The following CNBD1 variants were observed in gnomAD, a reference collection of about 807,000 sequenced individuals.
CNBD1 encodes the protein cyclic nucleotide binding domain containing 1.
Under a neutral mutation model 54.4 loss-of-function variants are expected in CNBD1, and 71 were observed. The observed-to-expected ratio is 1.30, with a 90% confidence interval of 1.08 to 1.59. CNBD1 has a LOEUF of 1.59. Among genes scored for constraint, CNBD1 ranks in the 40% most tolerant of loss-of-function variants. The probability of loss-of-function intolerance (pLI) is 0.00; values close to 1 mark genes in which losing one functional copy is unlikely to be tolerated. For missense variants in CNBD1, 659 were observed against 518.0 expected, an observed-to-expected ratio of 1.27 and a Z score of -2.64; for synonymous variants, 182 against 170.7, an observed-to-expected ratio of 1.07 and a Z score of -0.51.
intron 4 of CNBD1, among the ~76,000 whole-genome samples, chr8:87,031,314 T>C (rs910726720): frequency 2.0e-5 from 3 of 152,020 alleles, no homozygotes; most frequent in Non-Finnish European, 4.4e-5. Context: ...ATGGAAATGT[T>C]GCACATAACT....
At chr8:87,252,855 A>G (rs1807938590) in intron 6 of CNBD1, among the ~76,000 whole-genome samples, 1 of 152,140 alleles carries the variant, frequency 6.6e-6, no homozygotes, top group South Asian at 2.1e-4. Context: ...GCGTGGCCAA[A>G]TATGCCTACT....
At chr8:87,105,694 A>G (rs1009610636) in intron 4 of CNBD1, among the ~76,000 whole-genome samples, 1 of 152,014 alleles carries the variant, frequency 6.6e-6, no homozygotes, top group East Asian at 1.9e-4. Context: ...CATTCTACAG[A>G]TTATATATTT....
intron 4 of CNBD1, chr8:87,044,790 T>G (rs1470794055): frequency 6.6e-6 from 1 of 152,232 alleles, no homozygotes; most frequent in African/African-American, 2.4e-5. Context: ...GGGAGGAACA[T>G]TTTGCCTGGG....
At chr8:87,029,528 TAGAA>T (rs1463812549) in intron 4 of CNBD1, among the ~76,000 whole-genome samples, 3 of 152,050 alleles carry the variant, frequency 2.0e-5, no homozygotes, top group Non-Finnish European at 2.9e-5. Context: ...TGTGCTCTCA[TAGAA>T]AGGTAATAAA....
intron 4 of CNBD1, among the ~76,000 whole-genome samples, chr8:87,058,730 G>A (rs1418677285): frequency 1.3e-5 from 2 of 152,154 alleles, no homozygotes; most frequent in African/African-American, 4.8e-5. Flanking sequence ...GAAGGCCCTG[G>A]ACCCAGTCCA....
intron 4 of CNBD1, among the ~76,000 whole-genome samples, chr8:87,049,148 C>CT (rs1209449387): frequency 6.6e-6 from 1 of 152,306 alleles, no homozygotes; most frequent in East Asian, 1.9e-4. Flanking sequence ...TCTCCTGGGT[C>CT]TTTTTGCTGC....
At chr8:87,361,021 C>A (rs1810514659) in intron 10 of CNBD1, among the ~76,000 whole-genome samples, 1 of 151,896 alleles carries the variant, frequency 6.6e-6, no homozygotes, top group Admixed American at 6.6e-5. Context: ...CCAAGATTAT[C>A]CTTGTTAAAT....
At chr8:87,381,723 G>C (rs1347032603) in intron 10 of CNBD1, among the ~76,000 whole-genome samples, 1 of 151,888 alleles carries the variant, frequency 6.6e-6, no homozygotes, top group Non-Finnish European at 1.5e-5. Context: ...GAGCCTTGAG[G>C]ACATTATGCT....
At chr8:87,368,591 C>G (rs1019633253) in intron 10 of CNBD1, among the ~76,000 whole-genome samples, 1 of 151,828 alleles carries the variant, frequency 6.6e-6, no homozygotes, top group South Asian at 2.1e-4. Flanking sequence ...GAGCTATGAT[C>G]AAGCCACTTC....
chr8:87,209,894 C>A (rs1376947363), intron 5 of CNBD1, among the ~76,000 whole-genome samples: 1 of 152,168 alleles, frequency 6.6e-6, no homozygotes, highest in African/African-American at 2.4e-5. Context: ...ATAATCTTCC[C>A]AAATCCCCAC....
intron 6 of CNBD1, among the ~76,000 whole-genome samples, chr8:87,275,844 C>A (rs548656662): frequency 6.6e-6 from 1 of 151,420 alleles, no homozygotes; most frequent in South Asian, 2.1e-4. Flanking sequence ...AGCCCAAAAT[C>A]TCCTTAAGCT....
At position 86,905,129 on chromosome 8, in the gene CNBD1, A is replaced by G; in HGVS notation, c.207A>G (p.Gln69=). The change falls in exon 3 of 11, where the codon CAA becomes CAG. Residue 69 remains glutamine (Q), a synonymous_variant. Coordinates refer to ENST00000518476, the MANE Select transcript of CNBD1 (RefSeq NM_173538.3). ...CAGCTCACGATACATTTATGAAGCAATATCCTAAAGTATTCCTGCACCAAA... is the reference window on the plus strand; with the variant it reads ...CAGCTCACGATACATTTATGAAGCAGTATCCTAAAGTATTCCTGCACCAAA... ...ILSAHDTFMK[Q]YPKVFLHQKP... The G allele has an allele frequency of 6.2e-7, 1 of 1,612,762 alleles. No individual in the cohort carries two copies. Among genetic ancestry groups the G allele is most frequent in the Non-Finnish European group, 8.5e-7 (1 of 1,179,096 alleles).
chr8:87,388,210 A>C (rs1426475498), intron 2 of CNBD1, among the ~76,000 whole-genome samples: 2 of 152,150 alleles, frequency 1.3e-5, no homozygotes, highest in Non-Finnish European at 2.9e-5. Context: ...AAGCAAGAGA[A>C]AACACATTCA....
chr8:87,322,376 C>A (rs1435582363), intron 8 of CNBD1, among the ~76,000 whole-genome samples: 1 of 119,138 alleles, frequency 8.4e-6, no homozygotes, highest in Non-Finnish European at 1.9e-5. Flanking sequence ...GAGGAATCGC[C>A]ACACTGACTT....
chr8:87,214,576 C>G (rs1371620956), intron 5 of CNBD1, among the ~76,000 whole-genome samples: 1 of 152,194 alleles, frequency 6.6e-6, no homozygotes, highest in Non-Finnish European at 1.5e-5. Flanking sequence ...GCACCCCACT[C>G]TACCAGTATC....
intron 4 of CNBD1, among the ~76,000 whole-genome samples, chr8:86,995,105 G>A (rs974262633): frequency 5.3e-5 from 8 of 152,146 alleles, no homozygotes; most frequent in African/African-American, 1.4e-4. Context: ...GCTTGGTGGG[G>A]ATGCAGGTGG....
At chr8:87,118,173 G>A (rs1248966939) in intron 4 of CNBD1, among the ~76,000 whole-genome samples, 1 of 151,880 alleles carries the variant, frequency 6.6e-6, no homozygotes, top group Admixed American at 6.6e-5. Flanking sequence ...AAATTAGCCA[G>A]GCGTGGTGGC....
intron 4 of CNBD1, among the ~76,000 whole-genome samples, chr8:87,071,834 T>C (rs896004713): frequency 9.9e-5 from 15 of 152,276 alleles, no homozygotes; most frequent in African/African-American, 3.6e-4. Flanking sequence ...GTCCACTTGA[T>C]CTAGAGCTGA....
intron 4 of CNBD1, among the ~76,000 whole-genome samples, chr8:87,146,263 T>C (rs1812485345): frequency 2.6e-5 from 4 of 152,142 alleles, no homozygotes; most frequent in Admixed American, 2.6e-4. Flanking sequence ...CAAATAAAAT[T>C]GTTATGACTG....
Sources: allele counts gnomAD v4.1 joint callset (sites outside exome capture counted in the v4.1 genomes callset), GRCh38; gene constraint gnomAD v4.1.1; transcripts MANE v1.5; gene names NCBI Gene and HGNC (gene_info 2026-07-23, HGNC 2026-07-21).